Variants in NLGN1 observed in about 807,000 individuals in gnomAD.
NLGN1 encodes neuroligin-1.
NLGN1 carries 12 observed loss-of-function variants against 65.5 expected under a neutral mutation model. The ratio of observed to expected loss-of-function variants is 0.18; its 90% CI spans 0.12 to 0.30. The LOEUF is 0.30. Among genes scored for constraint, NLGN1 ranks in the 10% least tolerant of loss-of-function variants. The pLI, the probability that NLGN1 is intolerant of heterozygous loss-of-function variation, is 1.00. For missense variants in NLGN1, 750 were observed against 1,007.1 expected, an observed-to-expected ratio of 0.74 and a Z score of 3.46; for synonymous variants, 350 against 359.5, an observed-to-expected ratio of 0.97 and a Z score of 0.30.
At chr3:174,241,975 A>G (rs777541036) in intron 4 of NLGN1, among the ~76,000 whole-genome samples, 7 of 152,074 alleles carry the variant, frequency 4.6e-5, no homozygotes, top group Admixed American at 6.5e-5. Context: ...ATCTTTATCA[A>G]TGTGGATGTG....
At chr3:173,736,431 A>G (rs930130035) in intron 3 of NLGN1, among the ~76,000 whole-genome samples, 2 of 152,106 alleles carry the variant, frequency 1.3e-5, no homozygotes, top group African/African-American at 4.8e-5. Flanking sequence ...CCAGGGGAAT[A>G]TGCTTTACAG....
intron 3 of NLGN1, 68 bp downstream of exon 2, chr3:173,605,159 A>G (rs1751178146): frequency 7.7e-7 from 1 of 1,303,580 alleles, no homozygotes; most frequent in Non-Finnish European, 1.0e-6. Context: ...TTCTAACAAT[A>G]TTAATTCATG....
rs901622131 is a variant in NLGN1, at chr3:174,200,728, A to C, written c.647-74587A>C. ...ATATGCACTTTTACCTAAGATCAAAATTTCATTTCAACCTCCCTGTCAGCT... is the reference window on the plus strand; with the variant it reads ...ATATGCACTTTTACCTAAGATCAAACTTTCATTTCAACCTCCCTGTCAGCT... On this transcript the variant is annotated intron_variant, in intron 4 of 6. Transcript: ENST00000457714. 8.5e-5 allele frequency among the ~76,000 whole-genome samples: 13 copies of C among 152,328 alleles called. 1 individual carries two copies. The South Asian group carries it at 2.7e-3, about 32-fold the overall frequency.
rs765260803 is a variant in NLGN1 at position 174,280,803 on chromosome 3, C to G, written c.1972C>G (p.Pro658Ala). 4.0e-5 allele frequency: 64 copies of G among 1,613,280 alleles called. No individual in the cohort carries two copies. The highest frequency in any genetic ancestry group is 5.2e-5 in the Non-Finnish European group (61 of 1,179,586). ...CTTTCCCACTGCCAAGCAGGATGAT[C>G]CCAAACAACAACCAAGTCCATTTTC... is the stretch of plus-strand genomic sequence containing the variant. Residue 658 changes from proline to alanine, a missense_variant, in exon 7 of 7, where the codon CCC becomes GCC. Coordinates refer to ENST00000457714, the Ensembl canonical transcript of NLGN1. This position sits in a 1 kb window ranked among gnomAD's most constrained non-coding sequence, Gnocchi z 4.9.
At chr3:173,675,891 A>T (rs181037275) in intron 3 of NLGN1, among the ~76,000 whole-genome samples, 21,569 of 108,508 alleles carry the variant, frequency 0.2, 1,617 homozygotes, top group Middle Eastern at 0.28. Flanking sequence ...TCTCTCTCAC[A>T]CACACACACA....
At chr3:173,421,720 G>C (rs545232021) in intron 1 of NLGN1, among the ~76,000 whole-genome samples, 1 of 151,638 alleles carries the variant, frequency 6.6e-6, no homozygotes, top group Non-Finnish European at 1.5e-5. Flanking sequence ...GGGTTTTGGC[G>C]TGTTGCCTCA....
intron 4 of NLGN1, among the ~76,000 whole-genome samples, chr3:174,182,617 C>T (rs1336436868): frequency 6.6e-6 from 1 of 152,108 alleles, no homozygotes; most frequent in African/African-American, 2.4e-5. Context: ...GTAGGCCATC[C>T]TTTGAGTGAA....
intron 3 of NLGN1, among the ~76,000 whole-genome samples, chr3:173,633,381 T>G (rs1161687447): frequency 6.6e-6 from 1 of 152,126 alleles, no homozygotes; most frequent in Admixed American, 6.6e-5. Flanking sequence ...GCTTTCAGTG[T>G]TTTTAATGTA....
intron 4 of NLGN1, among the ~76,000 whole-genome samples, chr3:174,155,536 T>G (rs1459411067): frequency 6.6e-6 from 1 of 151,912 alleles, no homozygotes; most frequent in Non-Finnish European, 1.5e-5. Context: ...AGGGAAATCT[T>G]ATTGTGTGTT....
At chr3:173,487,990 G>GT (rs1308020368) in intron 2 of NLGN1, among the ~76,000 whole-genome samples, 15 of 151,604 alleles carry the variant, frequency 9.9e-5, no homozygotes, top group African/African-American at 2.9e-4. Context: ...ATAATTACTA[G>GT]TTTTTGTTGT....
intron 2 of NLGN1, among the ~76,000 whole-genome samples, chr3:173,592,322 G>A (rs531157954): frequency 6.6e-6 from 1 of 152,282 alleles, no homozygotes; most frequent in South Asian, 2.1e-4. Flanking sequence ...GCCATTAGTT[G>A]TAATGATGGT....
chr3:173,725,236 A>G (rs1047915067), intron 3 of NLGN1, among the ~76,000 whole-genome samples: 1 of 152,202 alleles, frequency 6.6e-6, no homozygotes, highest in African/African-American at 2.4e-5. Flanking sequence ...GCATACAAAC[A>G]TACACTGGAA....
chr3:173,709,163 C>T (rs1016166681), intron 3 of NLGN1, among the ~76,000 whole-genome samples: 4 of 152,112 alleles, frequency 2.6e-5, no homozygotes, highest in African/African-American at 9.7e-5. Context: ...TTTAAAAATA[C>T]CGAGGTTTAT....
chr3:174,262,860 G>A (rs199678530), intron 4 of NLGN1, among the ~76,000 whole-genome samples: 8 of 99,096 alleles, frequency 8.1e-5, no homozygotes, highest in Non-Finnish European at 1.2e-4. Flanking sequence ...CTTTGAATGC[G>A]TCCCAGAGAT....
At chr3:173,483,880 A>G (rs1576910781) in intron 2 of NLGN1, among the ~76,000 whole-genome samples, 1 of 152,294 alleles carries the variant, frequency 6.6e-6, no homozygotes, top group East Asian at 1.9e-4. Context: ...GAACAGATCA[A>G]AGGGTATGTC....
chr3:173,573,655 C>T (rs1745005767), intron 2 of NLGN1, among the ~76,000 whole-genome samples: 1 of 150,782 alleles, frequency 6.6e-6, no homozygotes, highest in Non-Finnish European at 1.5e-5. Context: ...TATTTTTATG[C>T]TATTATTATT....
chr3:173,945,942 G>T (rs34063560), intron 4 of NLGN1, among the ~76,000 whole-genome samples: 47,355 of 152,022 alleles, frequency 0.31, 7,941 homozygotes, highest in African/African-American at 0.43. Flanking sequence ...TCAGGGTAGG[G>T]CTTAGCCCTA....
At position 174,107,001 on chromosome 3, in the gene NLGN1, CACACACACACACACACAGAGAG is replaced by C. The variant is rs1283214623; in HGVS notation, c.647-168312_647-168291del. 2.6e-4 allele frequency among the ~76,000 whole-genome samples: 30 copies of C among 115,120 alleles called. 1 individual carries two copies. Among genetic ancestry groups the C allele is most frequent in the African/African-American group, 1.2e-3 (29 of 24,404 alleles). 75.5% of individuals were successfully genotyped at this position (115,120 alleles called of 152,430 possible). A position where few individuals can be genotyped will look rare whatever the true frequency, so the allele number is the denominator to read the frequency against. On this transcript the variant is annotated intron_variant, in intron 4 of 6. Transcript: ENST00000457714. ...AGAATCACACACACACACACACACACACACACACACACACACAGAGAGAGAGAGAGAGAGAGAGAGAGAGAGA... is the reference window on the plus strand; with the variant it reads ...AGAATCACACACACACACACACACACAGAGAGAGAGAGAGAGAGAGAGAGA...
chr3:173,819,919 G>C (rs762834079), intron 4 of NLGN1, among the ~76,000 whole-genome samples: 2 of 152,082 alleles, frequency 1.3e-5, no homozygotes, highest in Non-Finnish European at 2.9e-5. Flanking sequence ...ATGGAATGTG[G>C]GTAATAAATT....
Sources: gnomAD v4.1 joint callset for allele counts (sites outside exome capture counted in the v4.1 genomes callset) on GRCh38, gnomAD v4.1.1 for gene constraint, Gnocchi (gnomAD v3.1) non-coding constraint, MANE v1.5 for transcripts, NCBI Gene and HGNC (gene_info 2026-07-23, HGNC 2026-07-21) for gene names.